The following BTBD8 variants were observed in gnomAD, a reference collection of about 807,000 sequenced individuals.
The protein encoded by BTBD8 is BTB domain containing 8.
A neutral mutation model predicts 162.9 loss-of-function variants in BTBD8; 110 were observed. The ratio of observed to expected loss-of-function variants is 0.68; its 90% CI spans 0.58 to 0.79. The LOEUF is 0.79. Ranked by LOEUF, BTBD8 falls within the 30% of genes least tolerant of loss-of-function variation. BTBD8 has a pLI of 0.00. For missense variants in BTBD8, 1,905 were observed against 2,085.4 expected (o/e 0.91, Z 1.68); for synonymous variants, 667 against 716.1 (o/e 0.93, Z 1.10).
intron 17 of BTBD8, among the ~76,000 whole-genome samples, chr1:92,183,493 C>T (rs1185791556): frequency 6.6e-6 from 1 of 152,050 alleles, no homozygotes; most frequent in Non-Finnish European, 1.5e-5. Flanking sequence ...AACGGACTTA[C>T]CCTAAAAGTC....
Position 92,168,783 on chromosome 1 carries a change from G to A in BTBD8, c.1444-83G>A, listed in dbSNP as rs978938304. The A allele has an allele frequency of 2.4e-5, 31 of 1,290,876 alleles. 1 individual carries two copies. In the Admixed American group the frequency reaches 7.5e-4, roughly 31 times the overall value. 80.0% of individuals were successfully genotyped at this position (1,290,876 alleles called of 1,614,324 possible). A position where few individuals can be genotyped will look rare whatever the true frequency, so the allele number is the denominator to read the frequency against. On this transcript the variant is annotated intron_variant, in intron 11 of 17. Transcript: ENST00000636805. ...ATGACATCATTGATCTAGCTTAGGA[G>A]TAAGTAGATTCTGAAAGGAATAATG...
chr1:92,182,054 T>C lies in BTBD8; in HGVS notation c.4371T>C (p.Thr1457=), dbSNP rs746332480. The change falls in exon 17 of 18, where the codon ACT becomes ACC. Residue 1457 remains threonine (T), a synonymous_variant. Transcript: ENST00000636805. ...GATCAGATGAAGGAGAAGTCCATAC[T>C]CCCTTTCAGGCTTCTGTAGATTCTT... is the stretch of plus-strand genomic sequence containing the variant. ...ELGSDEGEVH[T]PFQASVDSFS... is the part of the protein sequence containing the mutation. 7.4e-4 allele frequency: 1,146 copies of C among 1,551,460 alleles called. 1 individual carries two copies. Among genetic ancestry groups the C allele is most frequent in the Non-Finnish European group, 9.5e-4 (1,085 of 1,146,902 alleles).
At chr1:92,176,803 C>T in intron 13 of BTBD8, 26 bp from the exon 14 acceptor site, 1 of 1,102,966 alleles carries the variant, frequency 9.1e-7, no homozygotes, top group East Asian at 2.7e-5. Context: ...AGTCAAATTA[C>T]AAAGTATTTT....
chr1:92,180,192 A>G, intron 16 of BTBD8, 73 bp from the exon 17 acceptor site: 1 of 1,112,304 alleles, frequency 9.0e-7, no homozygotes, highest in Admixed American at 3.2e-5. Context: ...TAATTTTAAA[A>G]CAAATTACTA....
At chr1:92,143,249 T>C (rs142648087) in intron 7 of BTBD8, among the ~76,000 whole-genome samples, 1 of 152,286 alleles carries the variant, frequency 6.6e-6, no homozygotes, top group East Asian at 1.9e-4. Context: ...TAAAGCTTAT[T>C]TAAGAGCCTT....
chr1:92,111,926 C>A (rs916732402), intron 4 of BTBD8, among the ~76,000 whole-genome samples: 3 of 152,152 alleles, frequency 2.0e-5, no homozygotes, highest in Non-Finnish European at 4.4e-5. Flanking sequence ...CAGGGACCTG[C>A]AAGTCTAAAG....
At chr1:92,172,948 G>A (rs929368531) in intron 13 of BTBD8, among the ~76,000 whole-genome samples, 7 of 152,090 alleles carry the variant, frequency 4.6e-5, no homozygotes, top group African/African-American at 1.7e-4. Flanking sequence ...TTTTTGAGAC[G>A]GAGTTTCGCT....
At chr1:92,080,759 A>G in intron 1 of BTBD8, 39 bp downstream of exon 1, 2 of 1,583,172 alleles carry the variant, frequency 1.3e-6, no homozygotes, top group South Asian at 1.2e-5. Flanking sequence ...TCAGTTCCTA[A>G]ATCGCCCACC....
At chr1:92,139,298 T>C in intron 5 of BTBD8, 52 bp from the exon 6 acceptor site, 3 of 1,514,482 alleles carry the variant, frequency 2.0e-6, no homozygotes, top group South Asian at 1.3e-5. Context: ...GAATGAATCA[T>C]TGATATCAGT....
chr1:92,169,719 A>G (rs1489210110), intron 12 of BTBD8, among the ~76,000 whole-genome samples: 1 of 152,242 alleles, frequency 6.6e-6, no homozygotes, highest in Non-Finnish European at 1.5e-5. Flanking sequence ...ACTGAATTTT[A>G]TGAAGCAAAC....
intron 1 of BTBD8, among the ~76,000 whole-genome samples, chr1:92,081,738 T>C (rs2101887525): frequency 6.6e-6 from 1 of 152,312 alleles, no homozygotes; most frequent in East Asian, 1.9e-4. Context: ...CACGCCCGGC[T>C]AATTTTTGTA....
intron 2 of BTBD8, among the ~76,000 whole-genome samples, chr1:92,092,500 G>T (rs376760218): frequency 3.9e-5 from 6 of 152,198 alleles, no homozygotes; most frequent in Admixed American, 3.9e-4. Flanking sequence ...TGGAAGCCAG[G>T]AAGCCCTCAC....
intron 7 of BTBD8, among the ~76,000 whole-genome samples, chr1:92,144,077 G>A (rs570914233): frequency 7.5e-6 from 1 of 133,378 alleles, no homozygotes; most frequent in Admixed American, 7.2e-5. Context: ...AGGTTCAAGC[G>A]ATTCTCCTGC....
chr1:92,080,830 C>A (rs1292450726), intron 1 of BTBD8, 110 bp downstream of exon 1: 1 of 1,489,246 alleles, frequency 6.7e-7, no homozygotes, highest in Non-Finnish European at 8.9e-7. Context: ...ACTTGGTTCT[C>A]CTCGCCTCAG....
In BTBD8 at chr1:92,080,664, TG is replaced by T. The variant is rs1444404301; in HGVS notation, c.94del (p.Glu32SerfsTer5). The part of the protein sequence containing the change: ...SKGLQRKGPC[E>X]RRRLKATVSE... ...AGGGGTTGCAAAGGAAGGGGCCGTG[TG>T]AGCGGCGCCGGCTGAAGGCGACGGT... On this transcript the variant is annotated frameshift_variant, in exon 1 of 18. Transcript: ENST00000636805. LOFTEE classifies it high-confidence loss of function. The T allele has an allele frequency of 3.1e-6, 5 of 1,613,380 alleles. No homozygotes were observed. The highest frequency in any genetic ancestry group is 4.2e-6 in the Non-Finnish European group (5 of 1,179,772).
chr1:92,182,638 G>A (rs1045002574), intron 17 of BTBD8, 43 bp downstream of exon 17: 60 of 1,270,576 alleles, frequency 4.7e-5, no homozygotes, highest in Non-Finnish European at 5.7e-5. Flanking sequence ...AAGAAAATAA[G>A]TTTATAAAAT....
chr1:92,181,700 T>C lies in BTBD8; in HGVS notation c.4017T>C (p.Asp1339=). The change falls in exon 17 of 18, where the codon GAT becomes GAC. Residue 1339 remains aspartate (D), a synonymous_variant. Coordinates refer to ENST00000636805, the MANE Select transcript of BTBD8 (RefSeq NM_001376131.1). ...NDLFQVNSTS[D]DEIPRKRPEI... is the part of the protein sequence containing the mutation. ...TTTTCCAAGTTAATTCAACGAGTGA[T>C]GATGAAATCCCTAGGAAAAGGCCAG... 1 of 1,551,606 alleles carries C rather than the reference T, an allele frequency of 6.4e-7. No homozygotes were observed. Among genetic ancestry groups the C allele is most frequent in the Non-Finnish European group, 8.7e-7 (1 of 1,146,936 alleles).
At chr1:92,162,633 C>A (rs1048678518) in intron 9 of BTBD8, among the ~76,000 whole-genome samples, 1 of 152,130 alleles carries the variant, frequency 6.6e-6, no homozygotes. Context: ...CTAGCTGATG[C>A]CACTTTGAAT....
intron 17 of BTBD8, 47 bp from the exon 18 acceptor site, chr1:92,183,817 T>C (rs1650996524): frequency 1.6e-6 from 2 of 1,290,184 alleles, no homozygotes; most frequent in African/African-American, 1.5e-5. Context: ...ACTCTGAGGG[T>C]ACCAACGTGC....
Sources: gnomAD v4.1 joint callset for allele counts (sites outside exome capture counted in the v4.1 genomes callset) on GRCh38, gnomAD v4.1.1 for gene constraint, MANE v1.5 for transcripts, NCBI Gene and HGNC (gene_info 2026-07-23, HGNC 2026-07-21) for gene names.